SPAG16: variants seen among roughly 807,000 people sequenced by gnomAD.
The protein encoded by SPAG16 is sperm associated antigen 16, also known as sperm-associated antigen 16 protein.
A neutral mutation model predicts 80.4 loss-of-function variants in SPAG16; 86 were observed. The ratio of observed to expected loss-of-function variants is 1.07; its 90% CI spans 0.90 to 1.28. SPAG16 has a LOEUF of 1.28. Among genes scored for constraint, SPAG16 ranks in the 50% most tolerant of loss-of-function variants. The pLI is 0.00. For missense variants in SPAG16, 870 were observed against 765.3 expected (o/e 1.14, Z -1.61); for synonymous variants, 294 against 265.9 (o/e 1.11, Z -1.03).
chr2:213,430,455 T>G (rs1262201880), intron 9 of SPAG16, among the ~76,000 whole-genome samples: 1 of 152,194 alleles, frequency 6.6e-6, no homozygotes, highest in Non-Finnish European at 1.5e-5. Context: ...GAAAACATTA[T>G]GAGATTTTTT....
chr2:214,372,014 A>C (rs191986853), intron 15 of SPAG16, among the ~76,000 whole-genome samples: 1 of 152,108 alleles, frequency 6.6e-6, no homozygotes, highest in East Asian at 1.9e-4. Flanking sequence ...TATATATCTT[A>C]TATGTAGTTC....
At chr2:213,852,962 A>C (rs2074980054) in intron 10 of SPAG16, among the ~76,000 whole-genome samples, 1 of 152,240 alleles carries the variant, frequency 6.6e-6, no homozygotes, top group African/African-American at 2.4e-5. Context: ...ACAGTCAGAC[A>C]ACTCCTTTTT....
rs146809819 is a variant in SPAG16 at position 213,432,727 on chromosome 2, G to T, written c.943-57236G>T. 5.4e-3 allele frequency among the ~76,000 whole-genome samples: 825 copies of T among 152,194 alleles called. 8 individuals are homozygous for T. Among genetic ancestry groups the T allele is most frequent in the African/African-American group, 0.019 (774 of 41,538 alleles). ...AACTCTTTCAAAAAATTGAGGTGGTGGGAATCTTTCATAATTCATTCTATT... is the reference window on the plus strand; with the variant it reads ...AACTCTTTCAAAAAATTGAGGTGGTTGGAATCTTTCATAATTCATTCTATT... On this transcript the variant is annotated intron_variant, in intron 9 of 15. Coordinates refer to ENST00000331683, the MANE Select transcript of SPAG16 (RefSeq NM_024532.5).
chr2:213,727,871 G>A (rs1574957580), intron 10 of SPAG16, among the ~76,000 whole-genome samples: 2 of 151,674 alleles, frequency 1.3e-5, no homozygotes, highest in African/African-American at 4.8e-5. Flanking sequence ...ATTTTGAGAC[G>A]GAATTTCACT....
intron 10 of SPAG16, among the ~76,000 whole-genome samples, chr2:213,726,980 G>T (rs2066796902): frequency 6.6e-6 from 1 of 152,134 alleles, no homozygotes; most frequent in Admixed American, 6.5e-5. Context: ...TCTTTGGAAA[G>T]TTTGTGAAAA....
intron 9 of SPAG16, among the ~76,000 whole-genome samples, chr2:213,381,305 G>T (rs2067160331): frequency 1.3e-5 from 2 of 152,194 alleles, no homozygotes; most frequent in Admixed American, 1.3e-4. Context: ...GATTTCTGTA[G>T]TGAACCCAAC....
intron 10 of SPAG16, among the ~76,000 whole-genome samples, chr2:213,836,582 A>C (rs2074096710): frequency 6.6e-6 from 1 of 151,634 alleles, no homozygotes; most frequent in Admixed American, 6.6e-5. Context: ...TTTTAATGAG[A>C]CCTTTTTCCA....
chr2:213,736,106 A>C (rs527889221), intron 10 of SPAG16, among the ~76,000 whole-genome samples: 4 of 152,300 alleles, frequency 2.6e-5, no homozygotes, highest in Admixed American at 6.5e-5. Flanking sequence ...TGCTTACTCT[A>C]TTCAATAATT....
At chr2:213,673,055 A>G (rs1375929286) in intron 10 of SPAG16, among the ~76,000 whole-genome samples, 6 of 151,654 alleles carry the variant, frequency 4.0e-5, no homozygotes, top group African/African-American at 1.2e-4. Flanking sequence ...TGCCTTTATT[A>G]ATAATGTGCG....
chr2:213,657,544 T>C (rs2063266411), intron 10 of SPAG16, among the ~76,000 whole-genome samples: 1 of 152,220 alleles, frequency 6.6e-6, no homozygotes, highest in African/African-American at 2.4e-5. Context: ...AAGTAAAGTA[T>C]AAAGTATGCT....
intron 11 of SPAG16, among the ~76,000 whole-genome samples, chr2:213,872,334 T>C (rs2075986223): frequency 1.1e-5 from 1 of 92,014 alleles, no homozygotes; most frequent in Admixed American, 1.1e-4. Flanking sequence ...AGTAACTTCA[T>C]GTTATGTTAT....
intron 9 of SPAG16, among the ~76,000 whole-genome samples, chr2:213,472,662 T>C (rs144985545): frequency 8.1e-4 from 123 of 152,270 alleles, no homozygotes; most frequent in Middle Eastern, 3.4e-3. Context: ...GCTAAGTATG[T>C]CTATGCCAAT....
intron 13 of SPAG16, among the ~76,000 whole-genome samples, chr2:214,025,964 C>G (rs888981097): frequency 1.3e-5 from 2 of 151,098 alleles, no homozygotes; most frequent in African/African-American, 4.9e-5. Context: ...ATTTGACTAC[C>G]CAGCATCCAA....
chr2:213,426,836 T>TACATACAC (rs1384789469), intron 9 of SPAG16, among the ~76,000 whole-genome samples: 76 of 125,888 alleles, frequency 6.0e-4, no homozygotes, highest in African/African-American at 1.9e-3. Context: ...TTCTGATACA[T>TACATACAC]ACACACACAC....
chr2:213,587,142 C>G (rs1284989572), intron 10 of SPAG16, among the ~76,000 whole-genome samples: 1 of 152,160 alleles, frequency 6.6e-6, no homozygotes. Flanking sequence ...GAGCATTTCC[C>G]TAGTGGAATG....
At chr2:213,754,626 T>A (rs2068234200) in intron 10 of SPAG16, among the ~76,000 whole-genome samples, 1 of 152,100 alleles carries the variant, frequency 6.6e-6, no homozygotes, top group Non-Finnish European at 1.5e-5. Context: ...CTTTCATATT[T>A]TAAACTTTCA....
At chr2:213,516,963 C>G (rs964103403) in intron 10 of SPAG16, among the ~76,000 whole-genome samples, 1 of 151,964 alleles carries the variant, frequency 6.6e-6, no homozygotes, top group African/African-American at 2.4e-5. Context: ...AAGTCCTAGC[C>G]AATGCAATCA....
chr2:213,803,097 G>C (rs2071522577), intron 10 of SPAG16, among the ~76,000 whole-genome samples: 1 of 152,040 alleles, frequency 6.6e-6, no homozygotes, highest in African/African-American at 2.4e-5. Flanking sequence ...GTAGAAATAA[G>C]TGAATAACAG....
chr2:213,743,121 T>C (rs989020315), intron 10 of SPAG16, among the ~76,000 whole-genome samples: 1 of 111,206 alleles, frequency 9.0e-6, no homozygotes, highest in African/African-American at 2.6e-5. Context: ...GCGAGGATGG[T>C]CTCTATCTCC....
Sources: allele counts gnomAD v4.1 joint callset (sites outside exome capture counted in the v4.1 genomes callset), GRCh38; gene constraint gnomAD v4.1.1; transcripts MANE v1.5; gene names NCBI Gene and HGNC (gene_info 2026-07-23, HGNC 2026-07-21).